Variants in TEKT4 observed in about 807,000 individuals in gnomAD.
TEKT4 encodes tektin 4.
In TEKT4, 46 loss-of-function variants were observed where a neutral mutation model predicts 46.0. The observed-to-expected ratio is 1.00, with a 90% confidence interval of 0.79 to 1.28. TEKT4 has a LOEUF of 1.28. TEKT4 is among the 50% of genes most tolerant of loss of function. The pLI, the probability that TEKT4 is intolerant of heterozygous loss-of-function variation, is 0.00. For synonymous variants in TEKT4, 325 were observed against 265.8 expected (o/e 1.22, Z -2.17); for missense variants, 790 against 622.9 (o/e 1.27, Z -2.85).
chr2:94,871,712 T>C lies in TEKT4; in HGVS notation c.133T>C (p.Phe45Leu), dbSNP rs536352270. The C allele has an allele frequency of 1.3e-5, 21 of 1,612,536 alleles. No homozygotes were observed. The African/African-American group carries it at 2.3e-4, about 17-fold the overall frequency. ...CTCCAAGTACCTGCTGGAGGAGTGG[T>C]TCCAGAACTGCTATGCTCGCTACCA... ...RTSKYLLEEW[F>L]QNCYARYHQA... Residue 45 changes from phenylalanine (F) to leucine (L), a missense_variant, in exon 1 of 6, where the codon TTC becomes CTC. By Grantham distance (22) the Phe-to-Leu change is conservative. Coordinates refer to ENST00000295201, the MANE Select transcript of TEKT4 (RefSeq NM_144705.4).
chr2:94,875,706 C>T lies in TEKT4; in HGVS notation c.1055C>T (p.Pro352Leu), dbSNP rs1680816138. ...CGGCTGTACCTGCGCTCGCACCGGC[C>T]CAACATGGAGCTGTGCCGTGACGCA... The part of the protein sequence containing the change: ...QTRLYLRSHR[P>L]NMELCRDAAQ... Residue 352 changes from proline to leucine, a missense_variant, in exon 5 of 6, where the codon CCC (proline) becomes CTC (leucine). Pro to Leu is a moderately conservative substitution (Grantham distance 98). Transcript: ENST00000295201. 6.2e-7 allele frequency: 1 copy of T among 1,614,156 alleles called. No homozygotes were observed. Among genetic ancestry groups the T allele is most frequent in the Non-Finnish European group, 8.5e-7 (1 of 1,179,990 alleles).
Position 94,873,662 on chromosome 2 carries a change from G to T in TEKT4, c.569+72G>T, listed in dbSNP as rs373120199. 7 of 1,580,598 alleles carry T rather than the reference G, an allele frequency of 4.4e-6. No homozygotes were observed. The Admixed American group carries it at 1.1e-4, about 24-fold the overall frequency. ...CTGGTCCTGGGGCAAGGCATTGAAC[G>T]ACAGGACCCTGAGACTCAGAGCCAG... On this transcript the variant is annotated intron_variant, in intron 2 of 5. Coordinates refer to ENST00000295201, the MANE Select transcript of TEKT4 (RefSeq NM_144705.4).
chr2:94,873,489 G>A (rs782502995), intron 1 of TEKT4, 31 bp from the exon 2 acceptor site: 11 of 1,611,890 alleles, frequency 6.8e-6, no homozygotes, highest in East Asian at 4.5e-5. Context: ...CCAGGGACTG[G>A]CTCTGGTGCT....
chr2:94,872,445 AG>A (rs1406752811), intron 1 of TEKT4: 2 of 372,550 alleles, frequency 5.4e-6, no homozygotes, highest in South Asian at 3.0e-5. Flanking sequence ...AGGTGTGGAC[AG>A]GTAAGGTGGG....
chr2:94,872,070 T>C lies in TEKT4; in HGVS notation c.491T>C (p.Leu164Pro). 1 of 1,541,000 alleles carries C rather than the reference T, an allele frequency of 6.5e-7. No individual in the cohort carries two copies. The highest frequency in any genetic ancestry group is 1.2e-5 in the South Asian group (1 of 83,878). ...NLVRDHVETE[L>P]LKEAELIRNI... ...GTGCGCGACCATGTGGAAACGGAGC[T>C]GCTGAAGGTGCCAGCACCCTTGGGT... The change falls in exon 1 of 6, where the codon CTG becomes CCG. Residue 164 changes from leucine to proline, a missense_variant. Leu to Pro is a moderately conservative substitution (Grantham distance 98, BLOSUM62 -3). Transcript: ENST00000295201.
chr2:94,872,207 C>G (rs564222551), intron 1 of TEKT4, 130 bp downstream of exon 1: 9 of 1,244,250 alleles, frequency 7.2e-6, no homozygotes, highest in Admixed American at 5.7e-5. Flanking sequence ...ACGTGAGACC[C>G]CTGAGTCCCG....
intron 5 of TEKT4, 86 bp from the exon 6 acceptor site, chr2:94,876,467 A>G: frequency 1.7e-6 from 2 of 1,192,552 alleles, no homozygotes; most frequent in East Asian, 2.6e-5. Flanking sequence ...GCCAGCTCCC[A>G]TTGGGAGTTT....
In TEKT4 at chr2:94,874,944, C is replaced by A; in HGVS notation, c.882C>A (p.Arg294=). ...QCDAVNLAFG[R]RCEELEDARY... Reference sequence around the variant, plus strand: ...ACGCCGTGAACCTGGCCTTCGGGCGCCGCTGTGAGGAGCTGGAGGACGCGC... The same window carrying A: ...ACGCCGTGAACCTGGCCTTCGGGCGACGCTGTGAGGAGCTGGAGGACGCGC... Residue 294 remains arginine, a synonymous_variant, in exon 4 of 6, where the codon CGC becomes CGA. Transcript: ENST00000295201. 2 of 1,611,898 alleles carry A rather than the reference C, an allele frequency of 1.2e-6. No individual in the cohort carries two copies. Among genetic ancestry groups the A allele is most frequent in the Non-Finnish European group, 1.7e-6 (2 of 1,179,650 alleles).
At chr2:94,872,151 ACAAGCCACGTGGCTGCTG>A in intron 1 of TEKT4, 74 bp downstream of exon 1, 1 of 1,436,684 alleles carries the variant, frequency 7.0e-7, no homozygotes, top group Non-Finnish European at 9.1e-7. Context: ...GTTCATGTGG[ACAAGCCACGTGGCTGCTG>A]CAAGCACGCG....
chr2:94,874,749 C>G (rs782398155), intron 3 of TEKT4, 27 bp from the exon 4 acceptor site: 50 of 1,528,006 alleles, frequency 3.3e-5, no homozygotes, highest in Non-Finnish European at 4.3e-5. Context: ...CTCCCCGACC[C>G]TCTCCTGGCT....
rs781842707 is a variant in TEKT4, at chr2:94,874,101, C to A, written c.706C>A (p.Gln236Lys). The change falls in exon 3 of 6, where the codon CAA becomes AAA. Residue 236 changes from glutamine (Q) to lysine (K), a missense_variant. Gln to Lys is a moderately conservative substitution (Grantham distance 53, BLOSUM62 1). Coordinates refer to ENST00000295201, the MANE Select transcript of TEKT4 (RefSeq NM_144705.4). The part of the protein sequence containing the change: ...VQAHPYSTTF[Q>K]ESASTPETRA... The stretch of plus-strand genomic sequence containing the variant: ...GGCTCATCCGTACTCCACCACCTTC[C>A]AAGAGAGGTGGGCCCCAGCTCTGCC... 1 of 1,613,452 alleles carries A rather than the reference C, an allele frequency of 6.2e-7. No individual in the cohort carries two copies. Among genetic ancestry groups the A allele is most frequent in the Non-Finnish European group, 8.5e-7 (1 of 1,179,880 alleles).
chr2:94,872,229 C>T (rs1553394888), intron 1 of TEKT4, 152 bp downstream of exon 1: 1 of 1,035,436 alleles, frequency 9.7e-7, no homozygotes, highest in Non-Finnish European at 1.4e-6. Context: ...AATCTGGCCC[C>T]TTAGTGACAG....
In TEKT4 at chr2:94,874,993, C is replaced by A; in HGVS notation, c.931C>A (p.His311Asn). 1.2e-6 allele frequency: 2 copies of A among 1,601,320 alleles called. No homozygotes were observed. Among genetic ancestry groups the A allele is most frequent in the South Asian group, 2.3e-5 (2 of 88,664 alleles). Residue 311 changes from histidine to asparagine, a missense_variant, in exon 4 of 6, where the codon CAC becomes AAC. Physicochemically the swap from His to Asn is moderately conservative, Grantham distance 68. Transcript: ENST00000295201. ...DARYKLHHHL[H>N]KTLREITDQE... ...GCGGTACAAGCTGCATCACCACCTG[C>A]ACAAGGTGGGGCACCCTGAACCCCG...
At chr2:94,874,470 G>A (rs560630530) in intron 3 of TEKT4, among the ~76,000 whole-genome samples, 10 of 151,972 alleles carry the variant, frequency 6.6e-5, no homozygotes, top group East Asian at 3.9e-4. Context: ...GGGGGGCTGC[G>A]GGGGCCGGAG....
chr2:94,875,488 T>G, intron 4 of TEKT4, 100 bp from the exon 5 acceptor site: 1 of 1,564,684 alleles, frequency 6.4e-7, no homozygotes, highest in Non-Finnish European at 8.7e-7. Flanking sequence ...GACTGCCCTC[T>G]GGACACAGCC....
At position 94,871,675 on chromosome 2, in the gene TEKT4, C is replaced by T. The variant is rs1553394472; in HGVS notation, c.96C>T (p.Ala32=). 6.2e-7 allele frequency: 1 copy of T among 1,612,476 alleles called. No homozygotes were observed. The highest frequency in any genetic ancestry group is 1.7e-5 in the Admixed American group (1 of 60,010). The change falls in exon 1 of 6, where the codon GCC becomes GCT. Residue 32 remains alanine, a synonymous_variant. Coordinates refer to ENST00000295201, the MANE Select transcript of TEKT4 (RefSeq NM_144705.4). ...ACACGTCCTCCGGCCTGGCCACCGC[C>T]AGCTTCCGCACCTCCAAGTACCTGC... ...GAYTSSGLAT[A]SFRTSKYLLE... is the part of the protein sequence containing the mutation.
rs1315967125 is a variant in TEKT4, at chr2:94,871,594, G to T, written c.15G>T (p.Val5=). Residue 5 remains valine, a synonymous_variant, in exon 1 of 6, where the codon GTG becomes GTT. Coordinates refer to ENST00000295201, the MANE Select transcript of TEKT4 (RefSeq NM_144705.4). MAQT[V]PPCELPCKEY... is the part of the protein sequence containing the mutation. Reference sequence around the variant, plus strand: ...CGGCAGGCACCATGGCGCAGACAGTGCCGCCCTGCGAGCTGCCCTGCAAAG... The same window carrying T: ...CGGCAGGCACCATGGCGCAGACAGTTCCGCCCTGCGAGCTGCCCTGCAAAG... 1.9e-6 allele frequency: 3 copies of T among 1,607,092 alleles called. No individual in the cohort carries two copies. Among genetic ancestry groups the T allele is most frequent in the African/African-American group, 2.7e-5 (2 of 74,864 alleles).
chr2:94,874,359 G>A (rs1175465089), intron 3 of TEKT4, among the ~76,000 whole-genome samples: 3 of 152,162 alleles, frequency 2.0e-5, no homozygotes, highest in South Asian at 2.1e-4. Flanking sequence ...GCAGGATTGC[G>A]TTTCCGCCCA....
rs1680556594 is a variant in TEKT4 at position 94,871,529 on chromosome 2, G to A, written c.-51G>A. 2.0e-6 allele frequency: 3 copies of A among 1,511,948 alleles called. No homozygotes were observed. The highest frequency in any genetic ancestry group is 2.8e-5 in the African/African-American group (2 of 72,486). The allele number at this position is 1,511,948 out of a possible 1,614,324, so 93.7% of individuals were successfully genotyped here. On this transcript the variant is annotated 5_prime_UTR_variant, in exon 1 of 6. Coordinates refer to ENST00000295201, the MANE Select transcript of TEKT4 (RefSeq NM_144705.4). ...GACCGCACTAGGCTGACCGCAACCG[G>A]CTGACCACACACAGTCCTCACTCCC...
Sources: allele counts gnomAD v4.1 joint callset (sites outside exome capture counted in the v4.1 genomes callset), GRCh38; gene constraint gnomAD v4.1.1; transcripts MANE v1.5; gene names NCBI Gene and HGNC (gene_info 2026-07-23, HGNC 2026-07-21).